The following CHPT1 variants were observed in gnomAD, a reference collection of about 807,000 sequenced individuals.
CHPT1 encodes the protein cholinephosphotransferase 1.
In CHPT1, 36 loss-of-function variants were observed where a neutral mutation model predicts 47.6. The observed-to-expected ratio is 0.76, with a 90% CI of 0.58 to 1.00. The LOEUF (loss-of-function observed/expected upper bound fraction) is 1.00. CHPT1 is among the 50% of genes least tolerant of loss of function. The pLI, the probability that CHPT1 is intolerant of heterozygous loss-of-function variation, is 0.00. For missense variants in CHPT1, 458 were observed against 498.1 expected, an observed-to-expected ratio of 0.92 and a Z score of 0.77; for synonymous variants, 194 against 186.3, an observed-to-expected ratio of 1.04 and a Z score of -0.33.
Position 101,697,917 on chromosome 12 carries a change from A to G in CHPT1, c.56A>G (p.Glu19Gly), listed in dbSNP as rs2136992066. The change falls in exon 1 of 9, where the codon GAG becomes GGG. Residue 19 changes from glutamate to glycine, a missense_variant. Transcript: ENST00000229266. ...SAPRWLRALS[E>G]PLSAAQLRRL... ...CCGCGCTGGCTGAGGGCGCTGAGCG[A>G]GCCGCTGAGCGCGGCGCAGCTGCGG... The G allele has an allele frequency of 7.0e-7, 1 of 1,429,456 alleles. No individual in the cohort carries two copies. Among genetic ancestry groups the G allele is most frequent in the Non-Finnish European group, 9.1e-7 (1 of 1,094,026 alleles). The allele number at this position is 1,429,456 out of a possible 1,614,324, so 88.5% of individuals were successfully genotyped here.
At chr12:101,711,074 A>T (rs1416439542) in intron 1 of CHPT1, among the ~76,000 whole-genome samples, 1 of 148,634 alleles carries the variant, frequency 6.7e-6, no homozygotes, top group Non-Finnish European at 1.5e-5. Flanking sequence ...TAATGCTGGG[A>T]AAATGATTTC....
chr12:101,711,490 G>C (rs934663354), intron 1 of CHPT1, among the ~76,000 whole-genome samples: 1 of 148,230 alleles, frequency 6.7e-6, no homozygotes, highest in Non-Finnish European at 1.5e-5. Flanking sequence ...AAAAAATTCA[G>C]AGATAGAGAA....
chr12:101,720,659 A>AAATTTCACTGAAATTCACTG (rs1951834819), intron 5 of CHPT1, among the ~76,000 whole-genome samples: 1 of 152,220 alleles, frequency 6.6e-6, no homozygotes, highest in African/African-American at 2.4e-5. Flanking sequence ...AATTTTATTG[A>AAATTTCACTGAAATTCACTG]AATTTCACTG....
intron 5 of CHPT1, among the ~76,000 whole-genome samples, chr12:101,722,827 G>T (rs1214622024): frequency 6.6e-6 from 1 of 151,762 alleles, no homozygotes; most frequent in African/African-American, 2.4e-5. Context: ...CTCTATTTCA[G>T]TATCTCCACA....
chr12:101,701,445 T>C (rs1262593365), intron 1 of CHPT1, among the ~76,000 whole-genome samples: 1 of 152,260 alleles, frequency 6.6e-6, no homozygotes, highest in East Asian at 1.9e-4. Context: ...TTTTATTCTT[T>C]CATTGACTCC....
chr12:101,701,138 C>T (rs1951548782), intron 1 of CHPT1, among the ~76,000 whole-genome samples: 1 of 152,194 alleles, frequency 6.6e-6, no homozygotes, highest in Non-Finnish European at 1.5e-5. Context: ...CTTCTGCAAA[C>T]TGCTTTTCAA....
At chr12:101,706,161 C>A (rs905222272) in intron 1 of CHPT1, among the ~76,000 whole-genome samples, 3 of 151,618 alleles carry the variant, frequency 2.0e-5, no homozygotes, top group Non-Finnish European at 4.4e-5. Context: ...ACCAGCCTGA[C>A]CAACATGGTG....
intron 5 of CHPT1, among the ~76,000 whole-genome samples, chr12:101,722,512 G>A (rs1951866097): frequency 6.6e-6 from 1 of 151,826 alleles, no homozygotes. Context: ...AAGAACATTT[G>A]CAGTCTGAAT....
chr12:101,718,439 A>G (rs1951796877), intron 4 of CHPT1, among the ~76,000 whole-genome samples: 1 of 152,120 alleles, frequency 6.6e-6, no homozygotes, highest in African/African-American at 2.4e-5. Context: ...AAAACACAGT[A>G]TGAGGCCAGG....
chr12:101,704,462 T>C (rs1951602742), intron 1 of CHPT1, among the ~76,000 whole-genome samples: 1 of 150,824 alleles, frequency 6.6e-6, no homozygotes, highest in Non-Finnish European at 1.5e-5. Flanking sequence ...AGTGCAGTGG[T>C]GCAACCTTGG....
Position 101,697,953 on chromosome 12 carries a change from AG to A in CHPT1, c.93del (p.Glu31AspfsTer97). The A allele has an allele frequency of 6.5e-7, 1 of 1,543,714 alleles. No homozygotes were observed. The highest frequency in any genetic ancestry group is 1.2e-5 in the South Asian group (1 of 85,094). On this transcript the variant is annotated frameshift_variant, in exon 1 of 9. Coordinates refer to ENST00000229266, the MANE Select transcript of CHPT1 (RefSeq NM_020244.3). LOFTEE classifies it high-confidence loss of function. ...LSAAQLRRLE[E>X]HRYSAAGVSL... is the part of the protein sequence containing the mutation. Reference sequence around the variant, plus strand: ...GCGGCGCAGCTGCGGCGACTGGAGGAGCACCGCTACAGCGCGGCGGGCGTCT... The same window carrying A: ...GCGGCGCAGCTGCGGCGACTGGAGGACACCGCTACAGCGCGGCGGGCGTCT...
At chr12:101,700,314 G>T (rs1951534405) in intron 1 of CHPT1, among the ~76,000 whole-genome samples, 1 of 112,944 alleles carries the variant, frequency 8.9e-6, no homozygotes, top group Non-Finnish European at 1.7e-5. Flanking sequence ...TTTAGGATCA[G>T]CCTCATGTGA....
In CHPT1 at chr12:101,728,910, CT is replaced by C. The variant is rs774569133; in HGVS notation, c.1189del (p.Ser397LeufsTer38). 13 of 1,613,418 alleles carry C rather than the reference CT, an allele frequency of 8.1e-6. No homozygotes were observed. Among genetic ancestry groups the C allele is most frequent in the Non-Finnish European group, 1.0e-5 (12 of 1,179,642 alleles). ...GTATCATATTACTTAGGTTCAAGTTCTTTCTTCAAAGAGTCATCAGAATAAC... is the reference window on the plus strand; with the variant it reads ...GTATCATATTACTTAGGTTCAAGTTCTTCTTCAAAGAGTCATCAGAATAAC... ...CHQAPEQVQV[L>X]SSKSHQNNMD On this transcript the variant is annotated frameshift_variant, in exon 9 of 9. Coordinates refer to ENST00000229266, the MANE Select transcript of CHPT1 (RefSeq NM_020244.3). LOFTEE classifies it high-confidence loss of function.
intron 5 of CHPT1, among the ~76,000 whole-genome samples, chr12:101,722,707 TAAAAAA>T (rs10605402): frequency 8.8e-6 from 1 of 113,774 alleles, no homozygotes; most frequent in African/African-American, 3.0e-5. Context: ...CACAAAAAAT[TAAAAAA>T]AAAAAAAAAA....
intron 1 of CHPT1, among the ~76,000 whole-genome samples, chr12:101,702,159 G>C (rs1951562593): frequency 6.6e-6 from 1 of 152,132 alleles, no homozygotes; most frequent in African/African-American, 2.4e-5. Context: ...CCAGTGATTT[G>C]AATCTAGTTC....
Position 101,716,794 on chromosome 12 carries a change from A to G in CHPT1, c.630A>G (p.Ala210=), listed in dbSNP as rs761305017. 5.6e-6 allele frequency: 9 copies of G among 1,604,172 alleles called. No homozygotes were observed. The South Asian group carries it at 1.0e-4, about 18-fold the overall frequency. The change falls in exon 4 of 9, where the codon GCA becomes GCG. Residue 210 remains alanine (A), a synonymous_variant. Coordinates refer to ENST00000229266, the MANE Select transcript of CHPT1 (RefSeq NM_020244.3). ...IVFVLSAFGG[A]TMWDYTIPIL... Reference sequence around the variant, plus strand: ...TTGTGTTGTCTGCATTTGGAGGAGCAACAATGTGGGACTATACGGTAAATC... The same window carrying G: ...TTGTGTTGTCTGCATTTGGAGGAGCGACAATGTGGGACTATACGGTAAATC...
Position 101,723,705 on chromosome 12 carries a change from GT to G in CHPT1, c.940-14del, listed in dbSNP as rs1566043607. On this transcript the variant is annotated splice_polypyrimidine_tract_variant and intron_variant, in intron 6 of 8. Transcript: ENST00000229266. ...TAAAACTTAATAGTAAAATTATTTT[GT>G]TTAATTTTTTTATAGGTAGCTCACA... 2.1e-6 allele frequency: 3 copies of G among 1,426,036 alleles called. No individual in the cohort carries two copies. The highest frequency in any genetic ancestry group is 9.4e-7 in the Non-Finnish European group (1 of 1,058,976). 88.3% of individuals were successfully genotyped at this position (1,426,036 alleles called of 1,614,324 possible). A position where few individuals can be genotyped will look rare whatever the true frequency, so the allele number is the denominator to read the frequency against.
chr12:101,702,356 C>G (rs184087050), intron 1 of CHPT1, among the ~76,000 whole-genome samples: 108 of 152,218 alleles, frequency 7.1e-4, no homozygotes, highest in Admixed American at 1.3e-3. Context: ...GGACAAGTGC[C>G]TAGCTTAAGG....
intron 1 of CHPT1, among the ~76,000 whole-genome samples, chr12:101,713,067 C>G (rs1396063741): frequency 6.8e-6 from 1 of 148,148 alleles, no homozygotes; most frequent in Non-Finnish European, 1.5e-5. Flanking sequence ...CCTTTTGAGG[C>G]TGGATTTTAA....
Sources: gnomAD v4.1 joint callset for allele counts (sites outside exome capture counted in the v4.1 genomes callset) on GRCh38, gnomAD v4.1.1 for gene constraint, MANE v1.5 for transcripts, NCBI Gene and HGNC (gene_info 2026-07-23, HGNC 2026-07-21) for gene names.